The following ESRRG variants were observed in gnomAD, a reference collection of about 807,000 sequenced individuals.
The protein encoded by ESRRG is estrogen related receptor gamma.
Under a neutral mutation model 44.0 loss-of-function variants are expected in ESRRG, and 13 were observed. The observed-to-expected ratio is 0.30, with a 90% CI of 0.19 to 0.47. The LOEUF (loss-of-function observed/expected upper bound fraction) is 0.47. ESRRG is among the 20% of genes least tolerant of loss of function. The pLI is 1.00. For missense variants in ESRRG, 395 were observed against 580.6 expected (o/e 0.68, Z 3.29); for synonymous variants, 215 against 214.6 (o/e 1.00, Z -0.02).
At chr1:217,110,419 CT>C (rs2102458502) in intron 1 of ESRRG, among the ~76,000 whole-genome samples, 1 of 152,246 alleles carries the variant, frequency 6.6e-6, no homozygotes, top group Admixed American at 6.5e-5. Context: ...TTGCCTCTTT[CT>C]TGATGTGTAA....
intron 1 of ESRRG, among the ~76,000 whole-genome samples, chr1:217,075,597 C>G (rs1051373570): frequency 2.0e-5 from 3 of 149,126 alleles, no homozygotes; most frequent in East Asian, 4.3e-4. Context: ...TTTCCCCCCC[C>G]CAACATTAAT....
intron 2 of ESRRG, among the ~76,000 whole-genome samples, chr1:216,928,449 C>A (rs1374582987): frequency 6.6e-6 from 1 of 152,164 alleles, no homozygotes; most frequent in Non-Finnish European, 1.5e-5. Flanking sequence ...CTCACAGCAT[C>A]CATCTTCATT....
chr1:216,699,885 AG>A (rs1271932704), intron 1 of ESRRG, among the ~76,000 whole-genome samples: 1 of 152,232 alleles, frequency 6.6e-6, no homozygotes, highest in Non-Finnish European at 1.5e-5. Context: ...TTGACTAGAA[AG>A]CCTCGCCTAT....
At chr1:216,990,691 GT>G (rs1448882870) in intron 1 of ESRRG, among the ~76,000 whole-genome samples, 6 of 151,852 alleles carry the variant, frequency 4.0e-5, no homozygotes, top group South Asian at 2.1e-4. Context: ...CTTCCTTATG[GT>G]TTTCTTAATA....
chr1:216,982,223 G>A (rs980812859), intron 1 of ESRRG, among the ~76,000 whole-genome samples: 1 of 152,190 alleles, frequency 6.6e-6, no homozygotes, highest in Non-Finnish European at 1.5e-5. Flanking sequence ...TGCAGTGTAA[G>A]TTCTCTGATT....
intron 2 of ESRRG, among the ~76,000 whole-genome samples, chr1:216,839,157 T>C (rs2095612783): frequency 6.6e-6 from 1 of 152,224 alleles, no homozygotes; most frequent in South Asian, 2.1e-4. Context: ...TTGTAAATCC[T>C]TTGTTGTCAT....
intron 1 of ESRRG, among the ~76,000 whole-genome samples, chr1:216,980,706 T>C (rs2073816645): frequency 6.6e-6 from 1 of 152,150 alleles, no homozygotes; most frequent in African/African-American, 2.4e-5. Flanking sequence ...AATACTCATG[T>C]TACTTAAATG....
At chr1:217,029,693 T>C (rs2081763533) in intron 1 of ESRRG, among the ~76,000 whole-genome samples, 1 of 152,140 alleles carries the variant, frequency 6.6e-6, no homozygotes, top group Non-Finnish European at 1.5e-5. Context: ...TTTATACACT[T>C]GACTCAGAAA....
At chr1:216,829,068 AT>A (rs1288887021) in intron 2 of ESRRG, among the ~76,000 whole-genome samples, 1 of 152,174 alleles carries the variant, frequency 6.6e-6, no homozygotes, top group Non-Finnish European at 1.5e-5. Context: ...TTATTCCTGT[AT>A]TTTAGAAGAT....
chr1:216,765,277 T>A (rs2093017210), intron 2 of ESRRG, among the ~76,000 whole-genome samples: 1 of 152,032 alleles, frequency 6.6e-6, no homozygotes, highest in African/African-American at 2.4e-5. Context: ...TGTGAATGAC[T>A]AAAACACTAT....
intron 2 of ESRRG, among the ~76,000 whole-genome samples, chr1:216,919,922 A>G (rs1456661200): frequency 6.6e-6 from 1 of 152,206 alleles, no homozygotes; most frequent in Non-Finnish European, 1.5e-5. Flanking sequence ...TAAGTCTAAG[A>G]CTGAGTATCA....
chr1:217,110,832 A>G lies in ESRRG; in HGVS notation c.-230+26835T>C, dbSNP rs140345882. 5.8e-4 allele frequency among the ~76,000 whole-genome samples: 89 copies of G among 152,288 alleles called. 1 individual carries two copies. In the East Asian group the frequency reaches 0.017, roughly 29 times the overall value. ...TATTGAAACTATATTGCTCGATATC[A>G]TCCTCCCAACCTGGCTTATTATATT... On this transcript the variant is annotated intron_variant, in intron 1 of 8. Transcript: ENST00000366940.
At chr1:216,512,707 C>T (rs1339808738) in intron 6 of ESRRG, among the ~76,000 whole-genome samples, 3 of 151,844 alleles carry the variant, frequency 2.0e-5, no homozygotes, top group Non-Finnish European at 4.4e-5. Context: ...AAAAATGGCC[C>T]TGAAGATATT....
At chr1:217,037,182 T>C (rs2083053627) in intron 1 of ESRRG, among the ~76,000 whole-genome samples, 1 of 152,228 alleles carries the variant, frequency 6.6e-6, no homozygotes, top group Non-Finnish European at 1.5e-5. Context: ...ATTTATCCCT[T>C]CCCTCCTTTG....
At chr1:216,794,361 A>G (rs1382268559) in intron 2 of ESRRG, among the ~76,000 whole-genome samples, 3 of 152,186 alleles carry the variant, frequency 2.0e-5, no homozygotes, top group African/African-American at 7.2e-5. Context: ...GGGAGTAAAT[A>G]CCTTCTCAGT....
chr1:216,725,003 G>A (rs187223360), upstream of ESRRG, among the ~76,000 whole-genome samples: 9 of 152,124 alleles, frequency 5.9e-5, no homozygotes, highest in East Asian at 7.7e-4. Context: ...GATATTCATC[G>A]TATGTTAAAT....
At chr1:216,510,763 C>A (rs1033441814) in intron 6 of ESRRG, among the ~76,000 whole-genome samples, 9 of 151,968 alleles carry the variant, frequency 5.9e-5, no homozygotes, top group African/African-American at 2.2e-4. Context: ...TGGGCGCCTG[C>A]AGTCCCAGCT....
Position 216,677,491 on chromosome 1 carries a change from C to G in ESRRG, c.57G>C (p.Glu19Asp). 1 of 1,599,916 alleles carries G rather than the reference C, an allele frequency of 6.3e-7. No homozygotes were observed. The highest frequency in any genetic ancestry group is 8.5e-7 in the Non-Finnish European group (1 of 1,171,690). Residue 19 changes from glutamate to aspartate, a missense_variant and splice_region_variant, in exon 2 of 7, where the codon GAG becomes GAC. Glu to Asp is a conservative substitution (Grantham distance 45). This residue lies in a region of ESRRG where 148 missense variants were observed against 150.4 expected (regional missense o/e 0.98). Transcript: ENST00000408911. ...PESFSLHYEE[E>D]LLCRMSNKDR... ...CTTTGTTTGACATTCTGCAGAGAAGCCTGAGATTGAGGAGATACAAAGAGA... is the reference window on the plus strand; with the variant it reads ...CTTTGTTTGACATTCTGCAGAGAAGGCTGAGATTGAGGAGATACAAAGAGA...
At chr1:216,629,622 AGAG>A (rs918041681) in intron 3 of ESRRG, among the ~76,000 whole-genome samples, 3 of 151,786 alleles carry the variant, frequency 2.0e-5, no homozygotes, top group African/African-American at 4.8e-5. Flanking sequence ...ACCAAATGGC[AGAG>A]GAGAATTAAT....
Sources: gnomAD v4.1 joint callset for allele counts (sites outside exome capture counted in the v4.1 genomes callset) on GRCh38, gnomAD v4.1.1 for gene constraint, gnomAD v4.1.1 regional missense constraint, MANE v1.5 for transcripts, NCBI Gene and HGNC (gene_info 2026-07-23, HGNC 2026-07-21) for gene names.